The following ZNRF2 variants were observed in gnomAD, a reference collection of about 807,000 sequenced individuals.
ZNRF2 encodes the protein zinc and ring finger 2.
In ZNRF2, 16 loss-of-function variants were observed where a neutral mutation model predicts 20.4. That is an observed-to-expected ratio of 0.79 (90% CI 0.53 to 1.19). ZNRF2 has a LOEUF of 1.19. Ranked by LOEUF, ZNRF2 falls within the 50% of genes most tolerant of loss-of-function variation. ZNRF2 has a pLI of 0.00. For missense variants in ZNRF2, 363 were observed against 332.4 expected (o/e 1.09, Z -0.72); for synonymous variants, 178 against 144.9 (o/e 1.23, Z -1.64).
chr7:30,346,973 G>C (rs1168324373), intron 2 of ZNRF2, among the ~76,000 whole-genome samples: 2 of 152,022 alleles, frequency 1.3e-5, no homozygotes, highest in African/African-American at 4.8e-5. Flanking sequence ...CACTGCCTCT[G>C]AAATATTAAA....
At chr7:30,290,477 T>C (rs549408992) in intron 1 of ZNRF2, among the ~76,000 whole-genome samples, 3 of 152,316 alleles carry the variant, frequency 2.0e-5, no homozygotes, top group African/African-American at 7.2e-5. Flanking sequence ...CAGACTTCCT[T>C]GGGTTATTGG....
At chr7:30,298,677 C>T (rs1235051622) in intron 1 of ZNRF2, among the ~76,000 whole-genome samples, 1 of 152,188 alleles carries the variant, frequency 6.6e-6, no homozygotes, top group African/African-American at 2.4e-5. Context: ...GTCTGCAAGT[C>T]TAGAAACTTT....
chr7:30,325,119 G>T (rs187678349), intron 2 of ZNRF2, among the ~76,000 whole-genome samples: 7 of 152,174 alleles, frequency 4.6e-5, no homozygotes, highest in Admixed American at 3.3e-4. Context: ...GCATACTTTG[G>T]AATAGACTTG....
intron 1 of ZNRF2, among the ~76,000 whole-genome samples, chr7:30,313,168 G>C (rs929356066): frequency 6.6e-6 from 1 of 152,154 alleles, no homozygotes; most frequent in Non-Finnish European, 1.5e-5. Flanking sequence ...ATTATTCTGG[G>C]ACATTGAGCT....
At position 30,348,175 on chromosome 7, in the gene ZNRF2, A is replaced by T. The variant is rs1325378995; in HGVS notation, c.566-7553A>T. Among the ~76,000 whole-genome samples, 8 of 96,286 alleles carry T rather than the reference A, an allele frequency of 8.3e-5. No individual in the cohort carries two copies. The East Asian group carries it at 1.9e-3, about 23-fold the overall frequency. 63.2% of individuals were successfully genotyped at this position (96,286 alleles called of 152,430 possible). On this transcript the variant is annotated intron_variant, in intron 2 of 4. Coordinates refer to ENST00000323037, the MANE Select transcript of ZNRF2 (RefSeq NM_147128.4). ...AGAAGTCAATACACTTAAAAATGTTAAAAAAAAAAAAAAAAAAAAGATCTG... is the reference window on the plus strand; with the variant it reads ...AGAAGTCAATACACTTAAAAATGTTTAAAAAAAAAAAAAAAAAAAGATCTG...
At chr7:30,296,836 C>G (rs1368819875) in intron 1 of ZNRF2, among the ~76,000 whole-genome samples, 2 of 152,180 alleles carry the variant, frequency 1.3e-5, no homozygotes, top group Non-Finnish European at 2.9e-5. Context: ...TAGTTACTTT[C>G]ATATAGTAAT....
At chr7:30,358,890 C>T (rs894436974) in intron 3 of ZNRF2, among the ~76,000 whole-genome samples, 11 of 151,908 alleles carry the variant, frequency 7.2e-5, no homozygotes, top group Non-Finnish European at 1.0e-4. Context: ...TTTTCTCTCT[C>T]GATTCATAAG....
intron 2 of ZNRF2, among the ~76,000 whole-genome samples, chr7:30,331,512 C>T (rs573601753): frequency 4.6e-5 from 7 of 152,180 alleles, no homozygotes; most frequent in Admixed American, 2.0e-4. Flanking sequence ...GGAAATTACA[C>T]AGAGTGTAAC....
intron 2 of ZNRF2, among the ~76,000 whole-genome samples, chr7:30,336,925 C>T (rs532795616): frequency 6.6e-5 from 10 of 152,048 alleles, no homozygotes; most frequent in East Asian, 1.9e-4. Context: ...AGAAAACATG[C>T]GTGTATGTGG....
rs78007797 is a variant in ZNRF2 at position 30,307,326 on chromosome 7, GTTTTTTTTTTTTT to G, written c.470-16304_470-16292del. On this transcript the variant is annotated intron_variant, in intron 1 of 4. Transcript: ENST00000323037. The stretch of plus-strand genomic sequence containing the variant: ...TGTCTTCTTTCTGCTGTTTTTTTTT[GTTTTTTTTTTTTT>G]TTTTTTTTTTTGGCTGGGGGTGGAG... 9.7e-3 allele frequency among the ~76,000 whole-genome samples: 420 copies of G among 43,322 alleles called. 4 individuals are homozygous for G. Among genetic ancestry groups the G allele is most frequent in the South Asian group, 0.053 (44 of 838 alleles). The allele number at this position is 43,322 out of a possible 152,430, so 28.4% of individuals were successfully genotyped here.
intron 1 of ZNRF2, among the ~76,000 whole-genome samples, chr7:30,299,687 A>G (rs1317088818): frequency 1.3e-5 from 2 of 152,078 alleles, no homozygotes; most frequent in Non-Finnish European, 1.5e-5. Flanking sequence ...TTAAGTACAT[A>G]GAAAAAAGTA....
intron 3 of ZNRF2, among the ~76,000 whole-genome samples, chr7:30,361,278 G>C (rs772784180): frequency 3.4e-4 from 51 of 152,162 alleles, no homozygotes; most frequent in Admixed American, 7.9e-4. Flanking sequence ...TATATATTTC[G>C]AGAACAAAAG....
intron 2 of ZNRF2, among the ~76,000 whole-genome samples, chr7:30,342,344 A>T (rs1455085720): frequency 1.3e-5 from 2 of 152,072 alleles, no homozygotes; most frequent in South Asian, 4.2e-4. Context: ...ACAGTTTGTT[A>T]TGTTTTTGTA....
At chr7:30,323,868 G>A (rs1799512180) in intron 2 of ZNRF2, 131 bp downstream of exon 2, 1 of 535,812 alleles carries the variant, frequency 1.9e-6, no homozygotes, top group Non-Finnish European at 3.0e-6. Flanking sequence ...CATTAATGCA[G>A]TGGTTCTCAA....
chr7:30,289,893 C>T (rs768911793), intron 1 of ZNRF2: 4 of 534,486 alleles, frequency 7.5e-6, no homozygotes, highest in Non-Finnish European at 1.5e-5. Flanking sequence ...AAGTCTCTTG[C>T]TCTCCTCCAA....
chr7:30,360,155 C>G (rs777689863), intron 3 of ZNRF2, among the ~76,000 whole-genome samples: 5 of 152,178 alleles, frequency 3.3e-5, no homozygotes, highest in Non-Finnish European at 4.4e-5. Flanking sequence ...ATTCAAAGTA[C>G]AAGTCCAGAA....
chr7:30,290,186 G>A (rs979294403), intron 1 of ZNRF2, among the ~76,000 whole-genome samples: 2 of 152,188 alleles, frequency 1.3e-5, no homozygotes, highest in African/African-American at 4.8e-5. Flanking sequence ...AATTTTGCAT[G>A]TACATGACAT....
chr7:30,345,259 C>T (rs1799858994), intron 2 of ZNRF2, among the ~76,000 whole-genome samples: 1 of 151,874 alleles, frequency 6.6e-6, no homozygotes, highest in African/African-American at 2.4e-5. Context: ...TTTCTCATTT[C>T]TACCCCTTGA....
At chr7:30,291,123 C>A (rs13310927) in intron 1 of ZNRF2, among the ~76,000 whole-genome samples, 2 of 152,078 alleles carry the variant, frequency 1.3e-5, no homozygotes, top group Non-Finnish European at 2.9e-5. Flanking sequence ...GAGGGCAGTA[C>A]AGACTAAAGA....
Sources: gnomAD v4.1 joint callset for allele counts (sites outside exome capture counted in the v4.1 genomes callset) on GRCh38, gnomAD v4.1.1 for gene constraint, MANE v1.5 for transcripts, NCBI Gene and HGNC (gene_info 2026-07-23, HGNC 2026-07-21) for gene names.